Variants in NEBL observed in about 807,000 individuals in gnomAD.
NEBL encodes nebulette, also known as LIM and SH3 protein 2.
Under a neutral mutation model 140.2 loss-of-function variants are expected in NEBL, and 122 were observed. The observed-to-expected ratio is 0.87, with a 90% CI of 0.75 to 1.01. The LOEUF (loss-of-function observed/expected upper bound fraction) is 1.01. NEBL is among the 50% of genes least tolerant of loss of function. The pLI, the probability that NEBL is intolerant of heterozygous loss-of-function variation, is 0.00. For missense variants in NEBL, 1,365 were observed against 1,231.3 expected, an observed-to-expected ratio of 1.11 and a Z score of -1.62; for synonymous variants, 436 against 398.9, an observed-to-expected ratio of 1.09 and a Z score of -1.11.
At chr10:21,107,888 T>G (rs1334365556) in intron 2 of NEBL, among the ~76,000 whole-genome samples, 1 of 152,190 alleles carries the variant, frequency 6.6e-6, no homozygotes, top group East Asian at 1.9e-4. Flanking sequence ...CTCCCTGGTT[T>G]AGTCTTGGGA....
intron 3 of NEBL, among the ~76,000 whole-genome samples, chr10:21,186,721 C>T (rs1035761695): frequency 4.0e-5 from 6 of 151,296 alleles, no homozygotes; most frequent in Non-Finnish European, 5.9e-5. Flanking sequence ...ATGTGAGGCC[C>T]AAGACAATTC....
At chr10:20,882,534 A>T (rs767773966) in intron 4 of NEBL, among the ~76,000 whole-genome samples, 70 of 152,326 alleles carry the variant, frequency 4.6e-4, no homozygotes, top group Middle Eastern at 6.8e-3. Context: ...TGTGCCTAAC[A>T]TAGTGAATGA....
intron 3 of NEBL, among the ~76,000 whole-genome samples, chr10:20,995,308 C>CAGCT (rs560064542): frequency 1.2e-4 from 19 of 152,288 alleles, no homozygotes; most frequent in South Asian, 4.1e-4. Flanking sequence ...GTGGGGACAG[C>CAGCT]AGCTAGTGCT....
chr10:20,852,525 C>T lies in NEBL; in HGVS notation c.1008+20G>A, dbSNP rs372306714. ...GGGTTGCTGGCAGGGAGGGTAGGTA[C>T]CGTACGGGCAAGTGTGTACCTGACT... On this transcript the variant is annotated intron_variant, in intron 10 of 27. Transcript: ENST00000377122. 3.8e-6 allele frequency: 6 copies of T among 1,565,856 alleles called. No individual in the cohort carries two copies. The highest frequency in any genetic ancestry group is 5.3e-6 in the Non-Finnish European group (6 of 1,138,362).
At position 20,783,428 on chromosome 10, in the gene NEBL, A is replaced by G. The variant is rs1835157608; in HGVS notation, c.*2319T>C. ...AGCAGAAATATTTTGCTATGCAAACATTATTACGTGAAGCTTAAAATTTTA... is the reference window on the plus strand; with the variant it reads ...AGCAGAAATATTTTGCTATGCAAACGTTATTACGTGAAGCTTAAAATTTTA... On this transcript the variant is annotated 3_prime_UTR_variant, in exon 28 of 28. Coordinates refer to ENST00000377122, the MANE Select transcript of NEBL (RefSeq NM_006393.3). 6.6e-6 allele frequency: 1 copy of G among 152,214 alleles called. No individual in the cohort carries two copies. The highest frequency in any genetic ancestry group is 2.4e-5 in the African/African-American group (1 of 41,466). The allele number at this position is 152,214 out of a possible 1,614,324, so 9.4% of individuals were successfully genotyped here. A position where few individuals can be genotyped will look rare whatever the true frequency, so the allele number is the denominator to read the frequency against.
chr10:21,288,590 G>T (rs1040780650), intron 1 of NEBL, among the ~76,000 whole-genome samples: 1 of 150,140 alleles, frequency 6.7e-6, no homozygotes, highest in African/African-American at 2.4e-5. Flanking sequence ...GTGAAACCCC[G>T]TCTCTACTAA....
At chr10:21,045,702 A>G (rs1049773613) in intron 2 of NEBL, among the ~76,000 whole-genome samples, 1 of 152,220 alleles carries the variant, frequency 6.6e-6, no homozygotes, top group African/African-American at 2.4e-5. Flanking sequence ...GGATGTTATC[A>G]AAAAGACAAC....
At chr10:21,120,397 TA>T (rs1452573793) in intron 2 of NEBL, among the ~76,000 whole-genome samples, 1 of 113,034 alleles carries the variant, frequency 8.8e-6, no homozygotes, top group Non-Finnish European at 1.7e-5. Context: ...AAAATACATA[TA>T]TATATATATA....
chr10:20,918,837 C>T (rs561181486), intron 4 of NEBL, among the ~76,000 whole-genome samples: 79 of 151,824 alleles, frequency 5.2e-4, no homozygotes, highest in African/African-American at 1.7e-3. Flanking sequence ...GGTGACAGAG[C>T]GAGACTCCGC....
At chr10:20,840,233 T>C (rs1841286718) in intron 13 of NEBL, among the ~76,000 whole-genome samples, 1 of 152,126 alleles carries the variant, frequency 6.6e-6, no homozygotes, top group African/African-American at 2.4e-5. Context: ...AATGACATAA[T>C]ACAAGGATTA....
rs71392113 is a variant in NEBL at position 21,082,761 on chromosome 10, A to ATTTTTTTTTTTTTT, written c.165-62574_165-62561dup. ...ATTATGGGATATGCAGGAGGGATGC[A>ATTTTTTTTTTTTTT]TTTTTTTTTTTTTTTTTTTGAGACA... On this transcript the variant is annotated intron_variant, in intron 2 of 6. Transcript: ENST00000417816. Among the ~76,000 whole-genome samples, 3 of 109,548 alleles carry ATTTTTTTTTTTTTT rather than the reference A, an allele frequency of 2.7e-5. 1 individual carries two copies. The highest frequency in any genetic ancestry group is 1.8e-5 in the Non-Finnish European group (1 of 55,828). The allele number at this position is 109,548 out of a possible 152,430, so 71.9% of individuals were successfully genotyped here.
chr10:21,238,556 C>T (rs907786337), intron 3 of NEBL, among the ~76,000 whole-genome samples: 4 of 150,218 alleles, frequency 2.7e-5, no homozygotes, highest in Non-Finnish European at 4.4e-5. Flanking sequence ...AAAAAAATAC[C>T]AAAATTAGCT....
upstream of NEBL, among the ~76,000 whole-genome samples, chr10:20,901,005 G>A (rs551457265): frequency 2.5e-4 from 38 of 152,094 alleles, no homozygotes; most frequent in South Asian, 5.0e-3. Flanking sequence ...GTGACAGAGC[G>A]AGACTCCCTC....
At chr10:21,231,172 A>T (rs532801360) in intron 3 of NEBL, among the ~76,000 whole-genome samples, 20 of 152,338 alleles carry the variant, frequency 1.3e-4, no homozygotes, top group African/African-American at 4.6e-4. Flanking sequence ...TGCAGTGATG[A>T]ACAAGAAAGC....
intron 3 of NEBL, among the ~76,000 whole-genome samples, chr10:21,017,112 T>C (rs1434970651): frequency 1.3e-5 from 2 of 152,212 alleles, no homozygotes; most frequent in African/African-American, 4.8e-5. Flanking sequence ...CAAGACCTAT[T>C]CCGTACCAGC....
At chr10:21,008,698 T>C (rs1244224913) in intron 3 of NEBL, among the ~76,000 whole-genome samples, 1 of 152,182 alleles carries the variant, frequency 6.6e-6, no homozygotes, top group African/African-American at 2.4e-5. Context: ...GAATGTAAAC[T>C]AGTTATTGTT....
At chr10:20,898,760 A>G (rs1156524292), upstream of NEBL, among the ~76,000 whole-genome samples, 2 of 152,058 alleles carry the variant, frequency 1.3e-5, no homozygotes, top group African/African-American at 2.4e-5. Context: ...ATCTCATCAA[A>G]TCTAATCCAA....
At chr10:21,106,560 C>G (rs377003645) in intron 2 of NEBL, among the ~76,000 whole-genome samples, 28 of 152,226 alleles carry the variant, frequency 1.8e-4, no homozygotes, top group African/African-American at 6.7e-4. Flanking sequence ...TGTTTTGGTA[C>G]CAGTACCAGC....
intron 4 of NEBL, among the ~76,000 whole-genome samples, chr10:20,923,316 C>T (rs1201239363): frequency 6.6e-6 from 1 of 152,092 alleles, no homozygotes; most frequent in African/African-American, 2.4e-5. Context: ...AATCTGCCTG[C>T]CTCAGCCTCC....
Sources: gnomAD v4.1 joint callset for allele counts (sites outside exome capture counted in the v4.1 genomes callset) on GRCh38, gnomAD v4.1.1 for gene constraint, MANE v1.5 for transcripts, NCBI Gene and HGNC (gene_info 2026-07-23, HGNC 2026-07-21) for gene names.